The following CADM2 variants were observed in gnomAD, a reference collection of about 807,000 sequenced individuals.
The protein encoded by CADM2 is cell adhesion molecule 2.
In CADM2, 12 loss-of-function variants were observed where a neutral mutation model predicts 49.8. The observed-to-expected ratio is 0.24, with a 90% CI of 0.15 to 0.39. CADM2 has a LOEUF of 0.39. CADM2 is among the 10% of genes least tolerant of loss of function. The pLI, the probability that CADM2 is intolerant of heterozygous loss-of-function variation, is 1.00. For missense variants in CADM2, 378 were observed against 492.3 expected, an observed-to-expected ratio of 0.77 and a Z score of 2.20; for synonymous variants, 214 against 175.4, an observed-to-expected ratio of 1.22 and a Z score of -1.74.
chr3:86,061,329 T>A (rs1738621071), intron 8 of CADM2, among the ~76,000 whole-genome samples: 1 of 152,100 alleles, frequency 6.6e-6, no homozygotes, highest in Non-Finnish European at 1.5e-5. Context: ...ACCATAATAC[T>A]GGTGTAATAT....
intron 1 of CADM2, among the ~76,000 whole-genome samples, chr3:85,450,361 A>G (rs2037698063): frequency 6.6e-6 from 1 of 152,156 alleles, no homozygotes; most frequent in African/African-American, 2.4e-5. Flanking sequence ...GTTATTGCAT[A>G]TAAATATGTA....
intron 1 of CADM2, among the ~76,000 whole-genome samples, chr3:85,408,496 G>T (rs1472385154): frequency 6.6e-6 from 1 of 152,196 alleles, no homozygotes; most frequent in African/African-American, 2.4e-5. Context: ...TGCAAAAGCA[G>T]AAGGAGTGAA....
intron 1 of CADM2, among the ~76,000 whole-genome samples, chr3:85,269,381 A>C (rs966124973): frequency 1.3e-5 from 2 of 151,380 alleles, no homozygotes; most frequent in African/African-American, 4.8e-5. Context: ...TGTACTATAA[A>C]AATTTTCAGA....
At chr3:85,810,924 C>A (rs893124603) in intron 3 of CADM2, among the ~76,000 whole-genome samples, 4 of 152,036 alleles carry the variant, frequency 2.6e-5, no homozygotes, top group Admixed American at 2.6e-4. Flanking sequence ...AGAAAATCTT[C>A]GGTTGTGGAT....
chr3:85,059,054 C>A (rs2036200433), intron 1 of CADM2, among the ~76,000 whole-genome samples: 2 of 151,550 alleles, frequency 1.3e-5, no homozygotes, highest in South Asian at 4.2e-4. Flanking sequence ...CCTGCCTAAC[C>A]CAGTGAAACC....
At position 85,149,856 on chromosome 3, in the gene CADM2, TAAC is replaced by T. The variant is rs1170467432; in HGVS notation, c.61+190191_61+190193del. ...TTACAATAATCTGAATCTGTGAAAA[TAAC>T]AAATCAACTCTTGTATCCACTATAT... On this transcript the variant is annotated intron_variant, in intron 1 of 9. Transcript: ENST00000383699. 5.3e-5 allele frequency among the ~76,000 whole-genome samples: 8 copies of T among 152,342 alleles called. No homozygotes were observed. In the East Asian group the frequency reaches 1.5e-3, roughly 29 times the overall value.
At chr3:85,025,626 T>C (rs2034689442) in intron 1 of CADM2, among the ~76,000 whole-genome samples, 1 of 152,174 alleles carries the variant, frequency 6.6e-6, no homozygotes, top group South Asian at 2.1e-4. Flanking sequence ...GAGTCAATAA[T>C]ATCTCCCTTT....
intron 1 of CADM2, among the ~76,000 whole-genome samples, chr3:85,417,477 G>A (rs1359069474): frequency 6.6e-6 from 1 of 152,140 alleles, no homozygotes; most frequent in Admixed American, 6.6e-5. Context: ...CCTATGTTAA[G>A]AAAGTCACAA....
intron 2 of CADM2, among the ~76,000 whole-genome samples, chr3:85,801,743 T>C (rs1248833965): frequency 2.6e-5 from 4 of 152,174 alleles, no homozygotes; most frequent in Admixed American, 2.0e-4. Context: ...TATTAACTAA[T>C]GCAAAGCCTA....
chr3:85,782,451 C>T (rs971676373), intron 2 of CADM2, among the ~76,000 whole-genome samples: 8 of 151,614 alleles, frequency 5.3e-5, no homozygotes, highest in Admixed American at 2.6e-4. Context: ...CTGAGGCGGG[C>T]GGATCACGAG....
intron 1 of CADM2, among the ~76,000 whole-genome samples, chr3:85,621,458 CTT>C (rs1050749231): frequency 7.9e-5 from 12 of 152,214 alleles, no homozygotes; most frequent in African/African-American, 2.6e-4. Flanking sequence ...CAATAACTAA[CTT>C]TGAAAATTTG....
At chr3:85,028,895 A>AT (rs1430778586) in intron 1 of CADM2, among the ~76,000 whole-genome samples, 2 of 151,842 alleles carry the variant, frequency 1.3e-5, no homozygotes, top group Non-Finnish European at 2.9e-5. Context: ...AATCCCTAGA[A>AT]TATGTATAGC....
intron 1 of CADM2, among the ~76,000 whole-genome samples, chr3:85,691,968 C>A (rs1332739990): frequency 2.6e-5 from 4 of 151,926 alleles, no homozygotes; most frequent in Admixed American, 2.0e-4. Context: ...CACACCGGGG[C>A]CTGTTGTGGG....
chr3:85,370,509 T>C (rs1338267755), intron 1 of CADM2, among the ~76,000 whole-genome samples: 3 of 152,052 alleles, frequency 2.0e-5, no homozygotes, highest in Non-Finnish European at 2.9e-5. Flanking sequence ...CATAAAGTAA[T>C]AGCACAATGC....
At chr3:85,395,894 A>G (rs1231935388) in intron 1 of CADM2, among the ~76,000 whole-genome samples, 2 of 149,882 alleles carry the variant, frequency 1.3e-5, no homozygotes, top group Admixed American at 6.7e-5. Context: ...GAGGATAATA[A>G]ATGTTAATAT....
At chr3:85,892,030 T>A (rs1368812624) in intron 5 of CADM2, among the ~76,000 whole-genome samples, 2 of 152,228 alleles carry the variant, frequency 1.3e-5, no homozygotes, top group African/African-American at 4.8e-5. Context: ...TATTTTTTCA[T>A]GGTCACACAT....
chr3:85,205,100 C>T (rs1425795145), intron 1 of CADM2, among the ~76,000 whole-genome samples: 2 of 151,280 alleles, frequency 1.3e-5, no homozygotes, highest in African/African-American at 2.4e-5. Flanking sequence ...TCACTGCAGC[C>T]TCCACCTCAT....
At chr3:85,805,416 A>G (rs761453506) in intron 3 of CADM2, 1 of 152,178 alleles carries the variant, frequency 6.6e-6, no homozygotes, top group Non-Finnish European at 1.5e-5. Flanking sequence ...AACAACAGAG[A>G]GCATTGAAGA....
In CADM2 at chr3:85,612,302, A is replaced by G. The variant is rs115305387; in HGVS notation, c.62-114220A>G. On this transcript the variant is annotated intron_variant, in intron 1 of 9. Transcript: ENST00000383699. ...TAGCCACACTTAGCACTGTGCTAAC[A>G]ATGTTCTTTCCACAGATTTCCATGC... Among the ~76,000 whole-genome samples, 671 of 152,032 alleles carry G rather than the reference A, an allele frequency of 4.4e-3. 6 individuals are homozygous for G. Among genetic ancestry groups the G allele is most frequent in the African/African-American group, 0.016 (645 of 41,556 alleles).
Sources: allele counts gnomAD v4.1 joint callset (sites outside exome capture counted in the v4.1 genomes callset), GRCh38; gene constraint gnomAD v4.1.1; transcripts MANE v1.5; gene names NCBI Gene and HGNC (gene_info 2026-07-23, HGNC 2026-07-21).